Variants in FLRT2 observed in about 807,000 individuals in gnomAD.
FLRT2 encodes leucine-rich repeat transmembrane protein FLRT2.
Under a neutral mutation model 40.0 loss-of-function variants are expected in FLRT2, and 15 were observed. The ratio of observed to expected loss-of-function variants is 0.38; its 90% CI spans 0.25 to 0.58. FLRT2 has a LOEUF of 0.58. FLRT2 is among the 20% of genes least tolerant of loss of function. FLRT2 has a pLI of 0.71. For synonymous variants in FLRT2, 380 were observed against 336.8 expected (o/e 1.13, Z -1.41); for missense variants, 726 against 840.0 (o/e 0.86, Z 1.68).
chr14:85,550,733 A>G (rs1282607100), intron 1 of FLRT2, among the ~76,000 whole-genome samples: 2 of 143,088 alleles, frequency 1.4e-5, no homozygotes, highest in East Asian at 2.0e-4. Flanking sequence ...TCTATAGAAC[A>G]CATTTTTTTT....
At chr14:85,571,845 G>A (rs531850473) in intron 1 of FLRT2, among the ~76,000 whole-genome samples, 2 of 152,306 alleles carry the variant, frequency 1.3e-5, no homozygotes, top group South Asian at 2.1e-4. Context: ...TTTGCATTCA[G>A]TGAAATAGAA....
At position 85,630,513 on chromosome 14, in the gene FLRT2, G is replaced by A. The variant is rs923204851; in HGVS notation, c.*7016G>A. On this transcript the variant is annotated 3_prime_UTR_variant, in exon 2 of 2. Transcript: ENST00000330753. The stretch of plus-strand genomic sequence containing the variant: ...TGATTTCATTCAGCAAATATTTACC[G>A]AGGCCTGGTAAGTTCTGGTGCAGAA... The A allele has an allele frequency of 3.9e-5, 6 of 152,018 alleles. No homozygotes were observed. Among genetic ancestry groups the A allele is most frequent in the African/African-American group, 7.2e-5 (3 of 41,404 alleles). The allele number at this position is 152,018 out of a possible 1,614,324, so 9.4% of individuals were successfully genotyped here.
chr14:85,609,534 T>G (rs970013138), intron 1 of FLRT2, among the ~76,000 whole-genome samples: 2 of 152,212 alleles, frequency 1.3e-5, no homozygotes, highest in African/African-American at 4.8e-5. Context: ...CGGGAATTTG[T>G]TTCATTTAGT....
intron 1 of FLRT2, among the ~76,000 whole-genome samples, chr14:85,613,873 G>C (rs1893007433): frequency 6.6e-6 from 1 of 152,184 alleles, no homozygotes; most frequent in Non-Finnish European, 1.5e-5. Context: ...ATGGAAGGAA[G>C]ATGTATATGT....
At chr14:85,564,480 G>T (rs1890524821) in intron 1 of FLRT2, among the ~76,000 whole-genome samples, 1 of 152,124 alleles carries the variant, frequency 6.6e-6, no homozygotes, top group Non-Finnish European at 1.5e-5. Context: ...GTAATTAAAA[G>T]CCTAAGTCAT....
At chr14:85,549,760 C>T (rs750358757) in intron 1 of FLRT2, among the ~76,000 whole-genome samples, 37 of 151,554 alleles carry the variant, frequency 2.4e-4, no homozygotes, top group Non-Finnish European at 4.9e-4. Context: ...ATCCCTATCC[C>T]TTTGCCCTCC....
rs750447118 is a variant in FLRT2 at position 85,652,463 on chromosome 14, T to C, written c.*28966T>C. 14 of 152,164 alleles carry C rather than the reference T, an allele frequency of 9.2e-5. No homozygotes were observed. The highest frequency in any genetic ancestry group is 2.4e-4 in the African/African-American group (10 of 41,458). 9.4% of individuals were successfully genotyped at this position (152,164 alleles called of 1,614,324 possible). A position where few individuals can be genotyped will look rare whatever the true frequency, so the allele number is the denominator to read the frequency against. Reference sequence around the variant, plus strand: ...GTATTTGCCATTTTGTTTGTTGCCATAGGAAAATTCTTTTTTGAGAATTTT... The same window carrying C: ...GTATTTGCCATTTTGTTTGTTGCCACAGGAAAATTCTTTTTTGAGAATTTT... On this transcript the variant is annotated 3_prime_UTR_variant, in exon 2 of 2. Coordinates refer to ENST00000330753, the MANE Select transcript of FLRT2 (RefSeq NM_013231.6).
At chr14:85,539,677 A>G (rs1258416649) in intron 1 of FLRT2, among the ~76,000 whole-genome samples, 1 of 152,208 alleles carries the variant, frequency 6.6e-6, no homozygotes, top group African/African-American at 2.4e-5. Context: ...GAGAGGTCAC[A>G]TAAGATTAAT....
At chr14:85,541,164 C>T (rs1888964859) in intron 1 of FLRT2, among the ~76,000 whole-genome samples, 5 of 152,072 alleles carry the variant, frequency 3.3e-5, no homozygotes, top group Admixed American at 2.0e-4. Context: ...AAGAAAAGTA[C>T]AAAATGCAAT....
rs931983862 is a variant in FLRT2 at position 85,548,552 on chromosome 14, G to C, written c.-377+18018G>C. On this transcript the variant is annotated intron_variant, in intron 1 of 1. Coordinates refer to ENST00000330753, the MANE Select transcript of FLRT2 (RefSeq NM_013231.6). The stretch of plus-strand genomic sequence containing the variant: ...GAGGCTTGATAGCCAAATTAATTGT[G>C]CTATAGTTTATATTGAAGAGATGCT... Among the ~76,000 whole-genome samples the C allele has an allele frequency of 3.3e-5, 5 of 152,186 alleles. No individual in the cohort carries two copies. In the South Asian group the frequency reaches 1.0e-3, roughly 31 times the overall value.
In FLRT2 at chr14:85,640,773, A is replaced by G. The variant is rs949456268; in HGVS notation, c.*17276A>G. 5.4e-5 allele frequency: 8 copies of G among 148,800 alleles called. No homozygotes were observed. Among genetic ancestry groups the G allele is most frequent in the African/African-American group, 1.5e-4 (6 of 40,048 alleles). 9.2% of individuals were successfully genotyped at this position (148,800 alleles called of 1,614,324 possible). ...ACATAGGCCACATAGTGTGGCAAAC[A>G]CATCATTAGAAACTGCCTCCTATTC... On this transcript the variant is annotated 3_prime_UTR_variant, in exon 2 of 2. Transcript: ENST00000330753.
intron 1 of FLRT2, among the ~76,000 whole-genome samples, chr14:85,538,762 A>G (rs1487933913): frequency 1.3e-5 from 2 of 152,160 alleles, no homozygotes; most frequent in Non-Finnish European, 2.9e-5. Context: ...GTTCACAAAT[A>G]TACTGTCCAT....
At chr14:85,549,988 C>T (rs1344640358) in intron 1 of FLRT2, among the ~76,000 whole-genome samples, 1 of 151,294 alleles carries the variant, frequency 6.6e-6, no homozygotes, top group African/African-American at 2.4e-5. Flanking sequence ...ACTGTTCTAT[C>T]TCAATTTGGA....
At chr14:85,613,113 G>A (rs941134999) in intron 1 of FLRT2, among the ~76,000 whole-genome samples, 6 of 151,680 alleles carry the variant, frequency 4.0e-5, no homozygotes, top group Non-Finnish European at 7.4e-5. Flanking sequence ...ATTAAAGTTC[G>A]GTTGAACTGT....
Position 85,588,732 on chromosome 14 carries a change from C to G in FLRT2, c.-376-32407C>G, listed in dbSNP as rs988139445. ...ATTTGTTCCTTTTATTTTTTTTCTA[C>G]CCATTAACGATACTTACTTTTCCCC... is the stretch of plus-strand genomic sequence containing the variant. On this transcript the variant is annotated intron_variant, in intron 1 of 1. Transcript: ENST00000330753. Among the ~76,000 whole-genome samples the G allele has an allele frequency of 1.3e-4, 20 of 152,094 alleles. 1 individual carries two copies. Among genetic ancestry groups the G allele is most frequent in the Middle Eastern group, 3.4e-3 (1 of 294 alleles).
At chr14:85,532,248 G>A (rs1289326890) in intron 1 of FLRT2, among the ~76,000 whole-genome samples, 2 of 152,162 alleles carry the variant, frequency 1.3e-5, no homozygotes, top group African/African-American at 2.4e-5. Context: ...CATCTCGCGT[G>A]GCCCCACCGA....
chr14:85,645,231 T>C lies in FLRT2; in HGVS notation c.*21734T>C, dbSNP rs1594979601. 1 of 150,044 alleles carries C rather than the reference T, an allele frequency of 6.7e-6. No individual in the cohort carries two copies. The highest frequency in any genetic ancestry group is 1.9e-4 in the East Asian group (1 of 5,156). The allele number at this position is 150,044 out of a possible 1,614,324, so 9.3% of individuals were successfully genotyped here. ...ATATATGTACACATGTGTATATATG[T>C]ATATACATATATGTATACATGTGTA... On this transcript the variant is annotated 3_prime_UTR_variant, in exon 2 of 2. Transcript: ENST00000330753.
At chr14:85,609,325 G>T (rs1374091681) in intron 1 of FLRT2, among the ~76,000 whole-genome samples, 1 of 152,190 alleles carries the variant, frequency 6.6e-6, no homozygotes, top group Non-Finnish European at 1.5e-5. Flanking sequence ...GATAGGAGGG[G>T]TGTTGGTTGT....
Position 85,649,476 on chromosome 14 carries a change from A to C in FLRT2, c.*25979A>C, listed in dbSNP as rs1469354201. 1 of 152,138 alleles carries C rather than the reference A, an allele frequency of 6.6e-6. No individual in the cohort carries two copies. The highest frequency in any genetic ancestry group is 2.4e-5 in the African/African-American group (1 of 41,458). The allele number at this position is 152,138 out of a possible 1,614,324, so 9.4% of individuals were successfully genotyped here. A position where few individuals can be genotyped will look rare whatever the true frequency, so the allele number is the denominator to read the frequency against. Reference sequence around the variant, plus strand: ...ATTCAAAATTGTTCAGTGTTTTGTCAGATGAACTCCTTAACCACATTTGTT... The same window carrying C: ...ATTCAAAATTGTTCAGTGTTTTGTCCGATGAACTCCTTAACCACATTTGTT... On this transcript the variant is annotated 3_prime_UTR_variant, in exon 2 of 2. Transcript: ENST00000330753.
Sources: gnomAD v4.1 joint callset for allele counts (sites outside exome capture counted in the v4.1 genomes callset) on GRCh38, gnomAD v4.1.1 for gene constraint, MANE v1.5 for transcripts, NCBI Gene and HGNC (gene_info 2026-07-23, HGNC 2026-07-21) for gene names.